SP110: variants seen among roughly 807,000 people sequenced by gnomAD.
SP110 encodes SP110 nuclear body protein.
In SP110, 62 loss-of-function variants were observed where a neutral mutation model predicts 92.7. The observed-to-expected ratio is 0.67, with a 90% confidence interval of 0.55 to 0.83. SP110 has a LOEUF of 0.83. SP110 is among the 40% of genes least tolerant of loss of function. SP110 has a pLI of 0.00. For missense variants in SP110, 793 were observed against 863.9 expected, an observed-to-expected ratio of 0.92 and a Z score of 1.03; for synonymous variants, 273 against 305.3, an observed-to-expected ratio of 0.89 and a Z score of 1.10.
At chr2:230,179,597 C>T (rs901536024) in intron 12 of SP110, among the ~76,000 whole-genome samples, 5 of 150,358 alleles carry the variant, frequency 3.3e-5, no homozygotes, top group Non-Finnish European at 7.4e-5. Flanking sequence ...AATTTGCTGC[C>T]GCAGGTTCCT....
chr2:230,181,017 G>A (rs912590329), intron 12 of SP110, among the ~76,000 whole-genome samples: 1 of 152,196 alleles, frequency 6.6e-6, no homozygotes, highest in African/African-American at 2.4e-5. Context: ...AGATCAAAGT[G>A]CTTTGCCAAC....
Position 230,177,697 on chromosome 2 carries a change from A to G in SP110, c.1448-17T>C, listed in dbSNP as rs1373893462. On this transcript the variant is annotated splice_polypyrimidine_tract_variant and intron_variant, in intron 13 of 18. Transcript: ENST00000258381. ...CTGAGGATCCTGTAAGAAAAAGCCC[A>G]TTCTTGGATCTACCCCCATCCTCTG... 2 of 1,613,736 alleles carry G rather than the reference A, an allele frequency of 1.2e-6. No homozygotes were observed. The highest frequency in any genetic ancestry group is 2.2e-5 in the East Asian group (1 of 44,880).
intron 10 of SP110, chr2:230,200,467 A>G (rs2043080447): frequency 5.3e-6 from 1 of 189,898 alleles, no homozygotes; most frequent in Admixed American, 5.4e-5. Flanking sequence ...CAGAAAGGCC[A>G]CATGAGAAAT....
In SP110 at chr2:230,208,008, T is replaced by G; in HGVS notation, c.881A>C (p.Lys294Thr). ...CATCTTACCTCCTGGGAGGCTTTTT[T>G]TCTTATGTCTCCTTTTTGGAGTTGA... ...IWSTPKRRHK[K>T]KSLPGGTASS... Residue 294 changes from lysine (K) to threonine (T), a missense_variant, in exon 8 of 19, where the codon AAA becomes ACA. Transcript: ENST00000258381. 6.4e-7 allele frequency: 1 copy of G among 1,561,272 alleles called. No individual in the cohort carries two copies. Among genetic ancestry groups the G allele is most frequent in the East Asian group, 2.2e-5 (1 of 44,596 alleles).
chr2:230,224,807 A>G (rs1309579854), upstream of SP110, among the ~76,000 whole-genome samples: 1 of 152,092 alleles, frequency 6.6e-6, no homozygotes, highest in Non-Finnish European at 1.5e-5. Context: ...CTGGCCCTGG[A>G]TTCTACCCAT....
At chr2:230,174,910 C>A (rs2041782978) in intron 14 of SP110, among the ~76,000 whole-genome samples, 1 of 152,242 alleles carries the variant, frequency 6.6e-6, no homozygotes, top group Admixed American at 6.5e-5. Context: ...TTCTCCCAAC[C>A]TGGCCCTGGA....
rs2078355465 is a variant in SP110, at chr2:230,168,912, T to TAATA, written c.*211_*212insTATT. The TAATA allele has an allele frequency of 2.6e-6, 1 of 383,644 alleles. No individual in the cohort carries two copies. The highest frequency in any genetic ancestry group is 4.7e-6 in the Non-Finnish European group (1 of 211,062). 23.8% of individuals were successfully genotyped at this position (383,644 alleles called of 1,614,324 possible). On this transcript the variant is annotated 3_prime_UTR_variant, in exon 19 of 19. Coordinates refer to ENST00000258381, the MANE Select transcript of SP110 (RefSeq NM_080424.4). ...GGGGTATCTGATGGTATTAAGGAAG[T>TAATA]ATTAATTTTTTTTTTTTTTAGTGTA...
At chr2:230,174,723 G>C (rs1373589518) in intron 14 of SP110, among the ~76,000 whole-genome samples, 1 of 152,208 alleles carries the variant, frequency 6.6e-6, no homozygotes, top group African/African-American at 2.4e-5. Context: ...CACGCTGCAG[G>C]GCAACCACAA....
chr2:230,215,561 A>C (rs989784162), intron 2 of SP110, among the ~76,000 whole-genome samples: 1 of 152,246 alleles, frequency 6.6e-6, no homozygotes. Context: ...TGTGTCTCTC[A>C]AACTTGAGAT....
intron 4 of SP110, 126 bp downstream of exon 4, chr2:230,212,635 G>T: frequency 1.5e-6 from 2 of 1,327,068 alleles, no homozygotes; most frequent in Non-Finnish European, 2.2e-6. Flanking sequence ...AAAGGGTTGT[G>T]TTTGGGTAGA....
chr2:230,197,867 G>C (rs1292940299), intron 10 of SP110, among the ~76,000 whole-genome samples: 1 of 152,028 alleles, frequency 6.6e-6, no homozygotes, highest in Non-Finnish European at 1.5e-5. Context: ...TGTCAAGCTG[G>C]TTTCAAACTC....
At chr2:230,191,884 C>T (rs2042648399) in intron 10 of SP110, among the ~76,000 whole-genome samples, 1 of 152,110 alleles carries the variant, frequency 6.6e-6, no homozygotes, top group African/African-American at 2.4e-5. Context: ...CGAAAATCCT[C>T]AATAAAATAA....
chr2:230,194,902 C>T lies in SP110; in HGVS notation c.1129+5983G>A, dbSNP rs1482555540. Among the ~76,000 whole-genome samples, 3 of 152,092 alleles carry T rather than the reference C, an allele frequency of 2.0e-5. No homozygotes were observed. In the East Asian group the frequency reaches 5.8e-4, roughly 29 times the overall value. On this transcript the variant is annotated intron_variant, in intron 10 of 18. Coordinates refer to ENST00000258381, the MANE Select transcript of SP110 (RefSeq NM_080424.4). Reference sequence around the variant, plus strand: ...GTTTGCTCTTCCTTTGTTGGGGAGTCTACTGATGGGGTGGCCTAGGGGACA... The same window carrying T: ...GTTTGCTCTTCCTTTGTTGGGGAGTTTACTGATGGGGTGGCCTAGGGGACA...
rs1194787310 is a variant in SP110 at position 230,211,497 on chromosome 2, G to A, written c.724C>T (p.Pro242Ser). 3 of 1,608,750 alleles carry A rather than the reference G, an allele frequency of 1.9e-6. No individual in the cohort carries two copies. Among genetic ancestry groups the A allele is most frequent in the East Asian group, 2.2e-5 (1 of 44,870 alleles). Residue 242 changes from proline (P) to serine (S), a missense_variant, in exon 6 of 19, where the codon CCC (proline) becomes TCC (serine). Transcript: ENST00000258381. This position sits in a 1 kb window ranked among gnomAD's most constrained non-coding sequence, Gnocchi z 4.2. ...GGCATAGAGCCCAAGGGAGAGTGGG[G>A]CATCTCTTGAGGGTCTTCTTTATCT... ...IRDKEDPQEM[P>S]HSPLGSMPEI...
At chr2:230,179,261 G>A (rs1405467115) in intron 12 of SP110, among the ~76,000 whole-genome samples, 3 of 152,140 alleles carry the variant, frequency 2.0e-5, no homozygotes, top group Admixed American at 1.3e-4. Flanking sequence ...TGATCCCCCC[G>A]ACAGAACCCT....
chr2:230,220,440 A>T (rs1158742489), upstream of SP110, among the ~76,000 whole-genome samples: 1 of 152,220 alleles, frequency 6.6e-6, no homozygotes, highest in East Asian at 1.9e-4. Flanking sequence ...TGTGCCAGAA[A>T]TGCCTAGAAC....
chr2:230,224,198 C>A (rs1017785558), upstream of SP110, among the ~76,000 whole-genome samples: 3 of 152,196 alleles, frequency 2.0e-5, no homozygotes, highest in African/African-American at 7.2e-5. Context: ...CTGAGGAACA[C>A]CAATGGCCTT....
At chr2:230,170,491 T>TTCTG in intron 18 of SP110, 130 bp downstream of exon 18, 6 of 1,142,062 alleles carry the variant, frequency 5.3e-6, no homozygotes, top group Non-Finnish European at 5.2e-6. Context: ...GTGGTTTTTT[T>TTCTG]TCTGTAATCC....
chr2:230,195,922 GA>G (rs111270270), intron 10 of SP110, among the ~76,000 whole-genome samples: 10 of 152,056 alleles, frequency 6.6e-5, no homozygotes, highest in Admixed American at 3.3e-4. Flanking sequence ...GGTAATCTAG[GA>G]AAATAAGCAA....
Sources: gnomAD v4.1 joint callset for allele counts (sites outside exome capture counted in the v4.1 genomes callset) on GRCh38, gnomAD v4.1.1 for gene constraint, Gnocchi (gnomAD v3.1) non-coding constraint, MANE v1.5 for transcripts, NCBI Gene and HGNC (gene_info 2026-07-23, HGNC 2026-07-21) for gene names.